CACNA2D3: variants seen among roughly 807,000 people sequenced by gnomAD.
The protein encoded by CACNA2D3 is voltage-dependent calcium channel subunit alpha-2/delta-3.
CACNA2D3 carries 60 observed loss-of-function variants against 160.6 expected under a neutral mutation model. That is an observed-to-expected ratio of 0.37 (90% confidence interval 0.30 to 0.46). The LOEUF is 0.46. CACNA2D3 is among the 20% of genes least tolerant of loss of function. The pLI is 1.00. For synonymous variants in CACNA2D3, 558 were observed against 492.9 expected (o/e 1.13, Z -1.75); for missense variants, 1,205 against 1,365.0 (o/e 0.88, Z 1.85).
chr3:54,761,930 C>T (rs1702087552), intron 12 of CACNA2D3, among the ~76,000 whole-genome samples: 1 of 152,190 alleles, frequency 6.6e-6, no homozygotes, highest in African/African-American at 2.4e-5. Context: ...CTGGTATTTC[C>T]TTACCCTGAG....
chr3:54,773,004 C>T lies in CACNA2D3; in HGVS notation c.1380+8653C>T, dbSNP rs558559182. Among the ~76,000 whole-genome samples, 23 of 152,278 alleles carry T rather than the reference C, an allele frequency of 1.5e-4. 1 individual carries two copies. Among genetic ancestry groups the T allele is most frequent in the Middle Eastern group, 6.8e-3 (2 of 294 alleles). Reference sequence around the variant, plus strand: ...GTTTTAGAAACAGTGGGAATGTGACCATTTAAAATAATGAGAATTCATTAT... The same window carrying T: ...GTTTTAGAAACAGTGGGAATGTGACTATTTAAAATAATGAGAATTCATTAT... On this transcript the variant is annotated intron_variant, in intron 13 of 37. Transcript: ENST00000474759.
At chr3:54,970,611 C>T (rs1367485710) in intron 29 of CACNA2D3, among the ~76,000 whole-genome samples, 13 of 126,984 alleles carry the variant, frequency 1.0e-4, no homozygotes, top group Non-Finnish European at 1.9e-4. Flanking sequence ...CTCCCCTCTC[C>T]TCTGCTCTCC....
intron 4 of CACNA2D3, among the ~76,000 whole-genome samples, chr3:54,443,764 G>T (rs923654141): frequency 6.6e-6 from 1 of 152,188 alleles, no homozygotes; most frequent in Non-Finnish European, 1.5e-5. Context: ...AATGCAGATA[G>T]AAAAACTTGG....
At chr3:54,333,832 C>T (rs561179502) in intron 3 of CACNA2D3, among the ~76,000 whole-genome samples, 51 of 152,358 alleles carry the variant, frequency 3.3e-4, no homozygotes, top group Non-Finnish European at 6.5e-4. Context: ...TCGTAGGAGC[C>T]AGCCCAAAGG....
At chr3:54,914,312 C>G (rs985070816) in intron 27 of CACNA2D3, among the ~76,000 whole-genome samples, 3 of 152,172 alleles carry the variant, frequency 2.0e-5, no homozygotes, top group Non-Finnish European at 4.4e-5. Context: ...TGTCTGGGCT[C>G]AGCAGATAAC....
At chr3:54,820,935 T>C (rs1025712104) in intron 14 of CACNA2D3, among the ~76,000 whole-genome samples, 2 of 152,154 alleles carry the variant, frequency 1.3e-5, no homozygotes, top group African/African-American at 4.8e-5. Context: ...TAAACATCAG[T>C]TATTCACTGC....
chr3:54,544,812 T>G (rs2106671651), intron 5 of CACNA2D3, among the ~76,000 whole-genome samples: 1 of 152,364 alleles, frequency 6.6e-6, no homozygotes, highest in Non-Finnish European at 1.5e-5. Flanking sequence ...AAAAATTTAT[T>G]ATATTTTAAT....
chr3:54,167,121 A>C (rs1345683455), intron 2 of CACNA2D3, among the ~76,000 whole-genome samples: 2 of 152,094 alleles, frequency 1.3e-5, no homozygotes, highest in African/African-American at 4.8e-5. Context: ...CTCTGCTTGC[A>C]CTTAATTCCC....
chr3:54,896,804 C>A lies in CACNA2D3; in HGVS notation c.2302C>A (p.Leu768Ile). The change falls in exon 26 of 38, where the codon CTC (leucine) becomes ATC (isoleucine). Residue 768 changes from leucine to isoleucine, a missense_variant. Leu to Ile is a conservative substitution (Grantham distance 5, BLOSUM62 2). Coordinates refer to ENST00000474759, the MANE Select transcript of CACNA2D3 (RefSeq NM_018398.3). ...CATTTTTAACGCAGACCATTTCCCT[C>A]TCTGGTACCGAAGAGCCGCTGAGCA... ...ENIFNADHFP[L>I]WYRRAAEQIP... is the part of the protein sequence containing the mutation. 6.2e-7 allele frequency: 1 copy of A among 1,614,032 alleles called. No individual in the cohort carries two copies. The highest frequency in any genetic ancestry group is 8.5e-7 in the Non-Finnish European group (1 of 1,179,892).
intron 2 of CACNA2D3, among the ~76,000 whole-genome samples, chr3:54,312,942 C>T (rs1703773159): frequency 6.6e-6 from 1 of 152,204 alleles, no homozygotes; most frequent in Non-Finnish European, 1.5e-5. Flanking sequence ...CAGCATCATC[C>T]ACCACCCTGT....
At chr3:54,789,022 T>G (rs1702693812) in intron 13 of CACNA2D3, among the ~76,000 whole-genome samples, 1 of 152,132 alleles carries the variant, frequency 6.6e-6, no homozygotes, top group Non-Finnish European at 1.5e-5. Flanking sequence ...ATGATAAAAA[T>G]TACAGCTGCA....
chr3:54,535,039 T>C (rs1701866691), intron 5 of CACNA2D3, among the ~76,000 whole-genome samples: 1 of 152,256 alleles, frequency 6.6e-6, no homozygotes, highest in African/African-American at 2.4e-5. Flanking sequence ...ACTACTGAAA[T>C]TGTTTTATGC....
chr3:54,493,042 G>A (rs1183149417), intron 4 of CACNA2D3, among the ~76,000 whole-genome samples: 2 of 143,070 alleles, frequency 1.4e-5, no homozygotes, highest in Admixed American at 7.0e-5. Flanking sequence ...ATATGTATGT[G>A]GGAGGTATTG....
At chr3:54,899,929 T>C (rs1043100752) in intron 27 of CACNA2D3, 61 bp downstream of exon 27, 7 of 1,236,754 alleles carry the variant, frequency 5.7e-6, no homozygotes, top group East Asian at 2.5e-5. Context: ...ATCCGGCCAG[T>C]GGGCTACTTC....
At chr3:54,823,153 CCTG>C (rs1376115109) in intron 14 of CACNA2D3, among the ~76,000 whole-genome samples, 3 of 151,938 alleles carry the variant, frequency 2.0e-5, no homozygotes, top group African/African-American at 7.3e-5. Context: ...CCATGCCCAG[CCTG>C]CTATTTGCAT....
chr3:54,297,626 G>A (rs56362821), intron 2 of CACNA2D3, among the ~76,000 whole-genome samples: 35,176 of 151,376 alleles, frequency 0.23, 4,321 homozygotes, highest in South Asian at 0.34. Flanking sequence ...CTTTGAATTT[G>A]GACTGAGACC....
intron 3 of CACNA2D3, among the ~76,000 whole-genome samples, chr3:54,346,063 C>G (rs1698453402): frequency 6.6e-6 from 1 of 152,008 alleles, no homozygotes; most frequent in Non-Finnish European, 1.5e-5. Context: ...ACAAAGTTCC[C>G]ATCCTCAAGG....
At chr3:54,523,553 G>C in intron 5 of CACNA2D3, among the ~76,000 whole-genome samples, 1 of 152,082 alleles carries the variant, frequency 6.6e-6, no homozygotes, top group South Asian at 2.1e-4. Context: ...GAACGTATTG[G>C]GAATTGTTCT....
chr3:54,609,409 G>C (rs1411930234), intron 9 of CACNA2D3, among the ~76,000 whole-genome samples: 1 of 152,196 alleles, frequency 6.6e-6, no homozygotes, highest in East Asian at 1.9e-4. Flanking sequence ...AACTCAGATA[G>C]ACTCTAAACG....
Sources: gnomAD v4.1 joint callset for allele counts (sites outside exome capture counted in the v4.1 genomes callset) on GRCh38, gnomAD v4.1.1 for gene constraint, MANE v1.5 for transcripts, NCBI Gene and HGNC (gene_info 2026-07-23, HGNC 2026-07-21) for gene names.